Variants in BAZ2B observed in about 807,000 individuals in gnomAD.
BAZ2B encodes the protein bromodomain adjacent to zinc finger domain 2B.
In BAZ2B, 91 loss-of-function variants were observed where a neutral mutation model predicts 246.0. The ratio of observed to expected loss-of-function variants is 0.37; its 90% CI spans 0.31 to 0.44. The LOEUF is 0.44. Ranked by LOEUF, BAZ2B falls within the 20% of genes least tolerant of loss-of-function variation. The pLI, the probability that BAZ2B is intolerant of heterozygous loss-of-function variation, is 1.00. For missense variants in BAZ2B, 2,332 were observed against 2,533.7 expected, an observed-to-expected ratio of 0.92 and a Z score of 1.71; for synonymous variants, 855 against 860.0, an observed-to-expected ratio of 0.99 and a Z score of 0.10.
At chr2:159,495,721 A>T (rs956285806) in intron 2 of BAZ2B, among the ~76,000 whole-genome samples, 10 of 151,988 alleles carry the variant, frequency 6.6e-5, no homozygotes, top group Admixed American at 5.2e-4. Flanking sequence ...AAAATAGGAG[A>T]AACAGATATG....
At chr2:159,445,531 C>G (rs989763768) in intron 6 of BAZ2B, among the ~76,000 whole-genome samples, 2 of 152,150 alleles carry the variant, frequency 1.3e-5, no homozygotes, top group South Asian at 4.1e-4. Flanking sequence ...GTATCACAGT[C>G]AAGGCTGACA....
chr2:159,440,233 G>A (rs1159130383), intron 6 of BAZ2B, among the ~76,000 whole-genome samples: 1 of 152,062 alleles, frequency 6.6e-6, no homozygotes, highest in Non-Finnish European at 1.5e-5. Flanking sequence ...GTACAATCTA[G>A]GAACATTTTA....
chr2:159,692,224 A>G, the BAZ2B span, among the ~76,000 whole-genome samples: 1 of 151,850 alleles, frequency 6.6e-6, no homozygotes, highest in East Asian at 1.9e-4. Context: ...GCACAATCTC[A>G]GCTCACGGTA....
At chr2:159,415,480 T>C (rs2067550218) in intron 13 of BAZ2B, among the ~76,000 whole-genome samples, 1 of 147,952 alleles carries the variant, frequency 6.8e-6, no homozygotes, top group South Asian at 2.1e-4. Flanking sequence ...AGCACATAAA[T>C]ACATGTATCC....
At chr2:159,593,982 G>A (rs1248030834) in intron 1 of BAZ2B, among the ~76,000 whole-genome samples, 3 of 152,132 alleles carry the variant, frequency 2.0e-5, no homozygotes, top group Non-Finnish European at 4.4e-5. Context: ...CAATTAGCTG[G>A]CATTAAGTTC....
At chr2:159,626,888 T>C in the BAZ2B span, among the ~76,000 whole-genome samples, 1 of 152,138 alleles carries the variant, frequency 6.6e-6, no homozygotes. Flanking sequence ...ACCTGGTTTT[T>C]TGAAAAGATC....
the BAZ2B span, among the ~76,000 whole-genome samples, chr2:159,680,629 G>A: frequency 3.9e-5 from 6 of 152,146 alleles, no homozygotes; most frequent in African/African-American, 7.2e-5. Flanking sequence ...GTGGAGTAAC[G>A]CTCACTAAAT....
the BAZ2B span, among the ~76,000 whole-genome samples, chr2:159,685,541 G>A: frequency 5.9e-5 from 9 of 152,168 alleles, no homozygotes; most frequent in African/African-American, 2.2e-4. Context: ...GGCTGGATGA[G>A]AGAAAATAGA....
At chr2:159,350,483 T>C in intron 27 of BAZ2B, 126 bp from the exon 28 acceptor site, 1 of 827,184 alleles carries the variant, frequency 1.2e-6, no homozygotes, top group African/African-American at 1.8e-5. Context: ...TACCTAATAC[T>C]CCCTATATTT....
intron 36 of BAZ2B, among the ~76,000 whole-genome samples, chr2:159,323,807 A>G (rs2063066824): frequency 6.6e-6 from 1 of 151,884 alleles, no homozygotes; most frequent in Non-Finnish European, 1.5e-5. Flanking sequence ...CTCTCAAAAA[A>G]AAAAAAAAAG....
chr2:159,374,546 TGACAAA>T, intron 26 of BAZ2B, 139 bp downstream of exon 26: 3 of 659,188 alleles, frequency 4.6e-6, no homozygotes, highest in Non-Finnish European at 2.6e-6. Flanking sequence ...TTTTTTTTTC[TGACAAA>T]AATGCTATTC....
the BAZ2B span, among the ~76,000 whole-genome samples, chr2:159,621,849 T>C: frequency 6.6e-6 from 1 of 152,084 alleles, no homozygotes. Flanking sequence ...CTCACGCCTG[T>C]AATCCCAGCA....
intron 1 of BAZ2B, among the ~76,000 whole-genome samples, chr2:159,615,111 A>G (rs1023365043): frequency 3.9e-5 from 6 of 152,170 alleles, no homozygotes; most frequent in Admixed American, 2.6e-4. Flanking sequence ...TTCCCTCTTT[A>G]TAAGGAAGCA....
chr2:159,502,779 T>C (rs1440093529), intron 2 of BAZ2B, among the ~76,000 whole-genome samples: 1 of 152,200 alleles, frequency 6.6e-6, no homozygotes, highest in East Asian at 1.9e-4. Flanking sequence ...TCTAATATGA[T>C]TTTTCATGTG....
At chr2:159,697,063 G>C in the BAZ2B span, among the ~76,000 whole-genome samples, 2 of 152,192 alleles carry the variant, frequency 1.3e-5, no homozygotes, top group African/African-American at 4.8e-5. Context: ...TGGGATTACA[G>C]GTGTGAGTCA....
chr2:159,415,430 A>T (rs1416496772), intron 13 of BAZ2B, among the ~76,000 whole-genome samples: 2 of 124,162 alleles, frequency 1.6e-5, no homozygotes, highest in African/African-American at 5.7e-5. Context: ...GGGCGACAGA[A>T]CAAGACTCCG....
chr2:159,475,952 A>G (rs2078489873), intron 3 of BAZ2B, among the ~76,000 whole-genome samples: 1 of 152,054 alleles, frequency 6.6e-6, no homozygotes, highest in South Asian at 2.1e-4. Context: ...TGCCAGCCAG[A>G]GCTCTCCTGC....
rs754573753 is a variant in BAZ2B at position 159,438,321 on chromosome 2, A to G, written c.1275T>C (p.Ser425=). 6.2e-7 allele frequency: 1 copy of G among 1,613,384 alleles called. No individual in the cohort carries two copies. The highest frequency in any genetic ancestry group is 1.3e-5 in the African/African-American group (1 of 74,952). The stretch of plus-strand genomic sequence containing the variant: ...AACTCACCCGTTTGGATCTCAATTC[A>G]CTGGTCAATAAACTAGATTCTTCAG... ...NTSEESSLLT[S]ELRSKREQYK... The change falls in exon 8 of 37, where the codon AGT becomes AGC. Residue 425 remains serine (S), a synonymous_variant. Coordinates refer to ENST00000392783, the MANE Select transcript of BAZ2B (RefSeq NM_013450.4).
the BAZ2B span, among the ~76,000 whole-genome samples, chr2:159,633,085 G>A: frequency 1.3e-5 from 2 of 151,068 alleles, no homozygotes; most frequent in Non-Finnish European, 2.9e-5. Context: ...TGATACTGCT[G>A]TTACATCAAT....
Sources: gnomAD v4.1 joint callset for allele counts (sites outside exome capture counted in the v4.1 genomes callset) on GRCh38, gnomAD v4.1.1 for gene constraint, MANE v1.5 for transcripts, NCBI Gene and HGNC (gene_info 2026-07-23, HGNC 2026-07-21) for gene names.